Variants in MICAL3 observed in about 807,000 individuals in gnomAD.
MICAL3 encodes microtubule associated monooxygenase, calponin and LIM domain containing 3.
MICAL3 carries 62 observed loss-of-function variants against 207.4 expected under a neutral mutation model. The observed-to-expected ratio is 0.30, with a 90% CI of 0.24 to 0.37. The LOEUF (loss-of-function observed/expected upper bound fraction) is 0.37. Among genes scored for constraint, MICAL3 ranks in the 10% least tolerant of loss-of-function variants. MICAL3 has a pLI of 1.00. For missense variants in MICAL3, 2,368 were observed against 2,635.6 expected (o/e 0.90, Z 2.22); for synonymous variants, 1,077 against 1,069.3 (o/e 1.01, Z -0.14).
intron 23 of MICAL3, 92 bp downstream of exon 23, chr22:17,822,855 G>T (rs981822397): frequency 1.1e-5 from 8 of 739,366 alleles, no homozygotes; most frequent in African/African-American, 1.8e-5. Flanking sequence ...GAGGCCCAAC[G>T]GCGGCCTCAC....
chr22:17,969,814 T>C lies in MICAL3; in HGVS notation c.-75+54467A>G, dbSNP rs117230117. 7.2e-5 allele frequency among the ~76,000 whole-genome samples: 11 copies of C among 152,352 alleles called. 1 individual carries two copies. The East Asian group carries it at 2.1e-3, about 29-fold the overall frequency. ...TTGCCGACACCCTGGGATGGGTGCA[T>C]GCTTCCTCATGTTTTAGAGAGAACT... is the stretch of plus-strand genomic sequence containing the variant. On this transcript the variant is annotated intron_variant, in intron 1 of 31. Coordinates refer to ENST00000441493, the MANE Select transcript of MICAL3 (RefSeq NM_015241.3).
intron 16 of MICAL3, among the ~76,000 whole-genome samples, chr22:17,875,797 C>T (rs903412806): frequency 3.3e-5 from 5 of 152,050 alleles, no homozygotes; most frequent in East Asian, 1.9e-4. Context: ...CCCTGGAACG[C>T]GGTCCCGCAG....
rs115751319 is a variant in MICAL3, at chr22:17,997,899, G to A, written c.-75+26382C>T. The stretch of plus-strand genomic sequence containing the variant: ...TACCTAGTCATCAGAAAAGCACAAT[G>A]ATCTGGTATCTTTAAGTCCTTCCGC... On this transcript the variant is annotated intron_variant, in intron 1 of 31. Coordinates refer to ENST00000441493, the MANE Select transcript of MICAL3 (RefSeq NM_015241.3). Among the ~76,000 whole-genome samples the A allele has an allele frequency of 7.3e-3, 1,109 of 150,898 alleles. 16 individuals are homozygous for A. The highest frequency in any genetic ancestry group is 0.026 in the African/African-American group (1,064 of 40,998).
intron 25 of MICAL3, among the ~76,000 whole-genome samples, chr22:17,819,355 G>A (rs1180932906): frequency 1.3e-5 from 2 of 152,146 alleles, no homozygotes; most frequent in African/African-American, 4.8e-5. Context: ...TAGACAAACT[G>A]GGTTTTCAGG....
chr22:17,833,038 G>A (rs969313311), intron 20 of MICAL3, among the ~76,000 whole-genome samples: 11 of 152,280 alleles, frequency 7.2e-5, no homozygotes, highest in Middle Eastern at 3.4e-3. Flanking sequence ...GCAGGCAAGC[G>A]TGGCCGACAT....
chr22:17,874,785 A>T (rs1379928078), intron 16 of MICAL3, among the ~76,000 whole-genome samples: 1 of 152,196 alleles, frequency 6.6e-6, no homozygotes, highest in African/African-American at 2.4e-5. Flanking sequence ...AGGAGCGGCA[A>T]AGAGACCTTC....
Position 17,810,694 on chromosome 22 carries a change from T to C in MICAL3, c.5556+9A>G, listed in dbSNP as rs1313583671. 4 of 1,611,900 alleles carry C rather than the reference T, an allele frequency of 2.5e-6. No individual in the cohort carries two copies. The highest frequency in any genetic ancestry group is 3.3e-4 in the Middle Eastern group (2 of 6,048). On this transcript the variant is annotated intron_variant, in intron 28 of 31. Coordinates refer to ENST00000441493, the MANE Select transcript of MICAL3 (RefSeq NM_015241.3). ...GCATGTGCCCTGGTCCCATCCTCCA[T>C]GGTTTTACCTGGGCTCGATGCAGCC...
chr22:17,917,596 T>C (rs1932613128), intron 1 of MICAL3, among the ~76,000 whole-genome samples: 1 of 152,032 alleles, frequency 6.6e-6, no homozygotes, highest in African/African-American at 2.4e-5. Context: ...AGCCAGAGCA[T>C]CCATTTAAAA....
At chr22:17,805,571 C>T (rs1426108182) in intron 29 of MICAL3, among the ~76,000 whole-genome samples, 1 of 152,328 alleles carries the variant, frequency 6.6e-6, no homozygotes, top group East Asian at 1.9e-4. Flanking sequence ...GCTGAAGACT[C>T]ATCTAAAGGA....
At chr22:17,925,948 A>C (rs913761450) in intron 1 of MICAL3, among the ~76,000 whole-genome samples, 1 of 152,204 alleles carries the variant, frequency 6.6e-6, no homozygotes, top group Non-Finnish European at 1.5e-5. Context: ...ACATTTTCTA[A>C]ATCACTGATC....
intron 19 of MICAL3, among the ~76,000 whole-genome samples, chr22:17,856,608 C>CTTTTT (rs57588188): frequency 2.4e-4 from 23 of 94,860 alleles, no homozygotes; most frequent in Non-Finnish European, 3.5e-4. Context: ...AAAATGTTTA[C>CTTTTT]TTTTTTTTTT....
At chr22:17,863,481 G>T in intron 19 of MICAL3, 1 of 985,402 alleles carries the variant, frequency 1.0e-6, no homozygotes, top group Non-Finnish European at 1.2e-6. Context: ...AGCTGCAAAG[G>T]CCTGTGGGTA....
At chr22:17,917,365 T>C (rs1189297358) in intron 1 of MICAL3, among the ~76,000 whole-genome samples, 1 of 152,118 alleles carries the variant, frequency 6.6e-6, no homozygotes, top group African/African-American at 2.4e-5. Context: ...ACCCGGACAC[T>C]CAACCCAAAA....
chr22:17,961,367 T>A (rs752260609), intron 1 of MICAL3, among the ~76,000 whole-genome samples: 2 of 152,132 alleles, frequency 1.3e-5, no homozygotes, highest in South Asian at 2.1e-4. Flanking sequence ...GCAGAAAGGA[T>A]TGAATAACCC....
chr22:17,796,565 C>CA lies in MICAL3; in HGVS notation c.5651-5265dup, dbSNP rs550312513. Among the ~76,000 whole-genome samples the CA allele has an allele frequency of 2.3e-3, 344 of 152,348 alleles. No individual in the cohort carries two copies. The highest frequency in any genetic ancestry group is 7.6e-3 in the African/African-American group (315 of 41,576). ...CAAATCTTCTTGCCCACTCTGAACT[C>CA]AGAGCTTTCCCTCTTCAACACAGGC... On this transcript the variant is annotated intron_variant, in intron 29 of 31. Transcript: ENST00000441493. The surrounding 1 kb of genome is among the most constrained non-coding windows in gnomAD (Gnocchi z 4.4).
At chr22:17,919,607 G>A (rs1602220801) in intron 1 of MICAL3, among the ~76,000 whole-genome samples, 1 of 152,342 alleles carries the variant, frequency 6.6e-6, no homozygotes, top group Middle Eastern at 3.4e-3. Context: ...TTCAGGCAGT[G>A]GCACCAGGCT....
In MICAL3 at chr22:17,885,865, G is replaced by A. The variant is rs138277634; in HGVS notation, c.2241+13C>T. On this transcript the variant is annotated intron_variant, in intron 16 of 31. Coordinates refer to ENST00000441493, the MANE Select transcript of MICAL3 (RefSeq NM_015241.3). ...GACCAAATCGGTGTGGGCAGGGCAC[G>A]GGTTGGGTTTACCTGTCTCCGTATG... 5.0e-6 allele frequency: 8 copies of A among 1,613,382 alleles called. No individual in the cohort carries two copies. Among genetic ancestry groups the A allele is most frequent in the African/African-American group, 2.7e-5 (2 of 75,032 alleles).
intron 16 of MICAL3, chr22:17,884,151 C>A: frequency 3.5e-6 from 2 of 574,850 alleles, no homozygotes; most frequent in East Asian, 3.4e-5. Flanking sequence ...CTCGAATGAG[C>A]AGAGATTTCC....
intron 1 of MICAL3, among the ~76,000 whole-genome samples, chr22:17,982,037 C>T (rs1271512120): frequency 1.3e-5 from 2 of 151,764 alleles, no homozygotes; most frequent in East Asian, 1.9e-4. Flanking sequence ...CCTGGGAAGT[C>T]GAGGTTACAG....
Sources: allele counts gnomAD v4.1 joint callset (sites outside exome capture counted in the v4.1 genomes callset), GRCh38; gene constraint gnomAD v4.1.1; non-coding constraint Gnocchi (gnomAD v3.1); transcripts MANE v1.5; gene names NCBI Gene and HGNC (gene_info 2026-07-23, HGNC 2026-07-21).